The following PHF7 variants were observed in gnomAD, a reference collection of about 807,000 sequenced individuals.
The protein encoded by PHF7 is E3 ubiquitin-protein ligase PHF7.
In PHF7, 24 loss-of-function variants were observed where a neutral mutation model predicts 47.5. That is an observed-to-expected ratio of 0.51 (90% CI 0.37 to 0.71). The LOEUF is 0.71. PHF7 is among the 30% of genes least tolerant of loss of function. PHF7 has a pLI of 0.00. For missense variants in PHF7, 361 were observed against 456.8 expected (o/e 0.79, Z 1.91); for synonymous variants, 156 against 153.8 (o/e 1.01, Z -0.11).
At chr3:52,420,792 G>T in intron 6 of PHF7, 111 bp from the exon 7 acceptor site, 1 of 910,668 alleles carries the variant, frequency 1.1e-6, no homozygotes, top group South Asian at 1.6e-5. Flanking sequence ...TTCCCCATGT[G>T]TGGAGGTTCA....
At position 52,414,034 on chromosome 3, in the gene PHF7, C is replaced by T. The variant is rs200440194; in HGVS notation, c.80C>T (p.Pro27Leu). ...AKTRRVTQRK[P>L]SSGPVCWLCL... ...ACTAGGAGGGTAACCCAGAGGAAAC[C>T]GTCTTCAGGGCCTGGTAAGAAAGAC... The change falls in exon 3 of 11, where the codon CCG (proline) becomes CTG (leucine). Residue 27 changes from proline (P) to leucine (L), a missense_variant. Transcript: ENST00000327906. 1.4e-5 allele frequency: 23 copies of T among 1,611,322 alleles called. No individual in the cohort carries two copies. The highest frequency in any genetic ancestry group is 2.2e-5 in the East Asian group (1 of 44,864).
intron 4 of PHF7, among the ~76,000 whole-genome samples, chr3:52,419,196 G>T (rs1250012282): frequency 2.6e-5 from 4 of 152,156 alleles, no homozygotes; most frequent in Admixed American, 6.5e-5. Context: ...GTGAGAGGCA[G>T]CCTAGAGCAA....
intron 7 of PHF7, 45 bp from the exon 8 acceptor site, chr3:52,421,603 A>G: frequency 1.8e-6 from 2 of 1,106,218 alleles, no homozygotes; most frequent in Non-Finnish European, 1.4e-6. Flanking sequence ...GAAGGTAGTC[A>G]AAGGGTTTTT....
chr3:52,420,919 C>T lies in PHF7; in HGVS notation c.430C>T (p.His144Tyr). Residue 144 changes from histidine to tyrosine, a missense_variant, in exon 7 of 11, where the codon CAT becomes TAT. By Grantham distance (83) the His-to-Tyr change is moderately conservative (BLOSUM62 2). Coordinates refer to ENST00000327906, the MANE Select transcript of PHF7 (RefSeq NM_016483.7). ...FGEYKSFCDKHRPTQNIQHGH... is the reference protein window; with the variant it reads ...FGEYKSFCDKYRPTQNIQHGH... ...CTGCCACAGATCATTTTGTGACAAACATCGCCCAACACAGAACATCCAACA... is the reference window on the plus strand; with the variant it reads ...CTGCCACAGATCATTTTGTGACAAATATCGCCCAACACAGAACATCCAACA... 3 of 1,609,030 alleles carry T rather than the reference C, an allele frequency of 1.9e-6. No homozygotes were observed. The highest frequency in any genetic ancestry group is 2.5e-6 in the Non-Finnish European group (3 of 1,178,070).
chr3:52,421,462 G>T (rs1256602508), intron 7 of PHF7, among the ~76,000 whole-genome samples, 186 bp from the exon 8 acceptor site: 2 of 152,176 alleles, frequency 1.3e-5, no homozygotes, highest in Non-Finnish European at 1.5e-5. Context: ...GAATTCTCTT[G>T]AAAGTATTTT....
At position 52,412,878 on chromosome 3, in the gene PHF7, G is replaced by T; in HGVS notation, c.-2G>T. 2 of 1,606,748 alleles carry T rather than the reference G, an allele frequency of 1.2e-6. No homozygotes were observed. Among genetic ancestry groups the T allele is most frequent in the East Asian group, 2.2e-5 (1 of 44,742 alleles). Reference sequence around the variant, plus strand: ...CAAGAGAGGAGAGAGAGACAGCACCGAATGAAGACTGTAAAAGAAAAGAAG... The same window carrying T: ...CAAGAGAGGAGAGAGAGACAGCACCTAATGAAGACTGTAAAAGAAAAGAAG... On this transcript the variant is annotated 5_prime_UTR_variant, in exon 2 of 11. Transcript: ENST00000327906.
intron 9 of PHF7, 73 bp from the exon 10 acceptor site, chr3:52,422,687 C>T (rs1339073134): frequency 3.9e-6 from 6 of 1,539,444 alleles, no homozygotes; most frequent in Non-Finnish European, 4.5e-6. Flanking sequence ...AATGCCTGGC[C>T]CATAGCAAAC....
intron 1 of PHF7, among the ~76,000 whole-genome samples, chr3:52,412,315 A>G (rs947856888): frequency 6.6e-6 from 1 of 152,150 alleles, no homozygotes; most frequent in Non-Finnish European, 1.5e-5. Flanking sequence ...TCCTTTGCTT[A>G]GGAAAAAGCT....
chr3:52,422,272 G>T lies in PHF7; in HGVS notation c.731G>T (p.Arg244Leu), dbSNP rs868656396. The T allele has an allele frequency of 6.2e-7, 1 of 1,613,906 alleles. No homozygotes were observed. Among genetic ancestry groups the T allele is most frequent in the Non-Finnish European group, 8.5e-7 (1 of 1,179,908 alleles). ...EPGAFSDLYQ[R>L]YQHCDAPICL... ...GGGGCTTTCTCAGACTTATATCAGC[G>T]CTATCAGCACTGTGATGCCCCCATC... The change falls in exon 9 of 11, where the codon CGC becomes CTC. Residue 244 changes from arginine (R) to leucine (L), a missense_variant. Transcript: ENST00000327906.
chr3:52,414,679 G>A (rs1705566856), intron 4 of PHF7, 92 bp downstream of exon 4: 4 of 711,314 alleles, frequency 5.6e-6, no homozygotes, highest in African/African-American at 1.9e-5. Context: ...CCACAGCCTT[G>A]TTTTTTTATT....
At chr3:52,418,194 C>T (rs908455282) in intron 4 of PHF7, among the ~76,000 whole-genome samples, 5 of 152,080 alleles carry the variant, frequency 3.3e-5, no homozygotes, top group Non-Finnish European at 7.4e-5. Flanking sequence ...TATATCTGTG[C>T]TCATGAGAAA....
chr3:52,412,936 A>C lies in PHF7; in HGVS notation c.41+16A>C. The stretch of plus-strand genomic sequence containing the variant: ...AGAGATTGAGGTAGAAGTAGTTGAC[A>C]TAGGGAATTTGGGAGAAATTGTCCA... On this transcript the variant is annotated intron_variant, in intron 2 of 10. Coordinates refer to ENST00000327906, the MANE Select transcript of PHF7 (RefSeq NM_016483.7). 2 of 1,601,388 alleles carry C rather than the reference A, an allele frequency of 1.2e-6. No individual in the cohort carries two copies. Among genetic ancestry groups the C allele is most frequent in the Non-Finnish European group, 1.7e-6 (2 of 1,169,498 alleles).
At chr3:52,412,225 C>T (rs899445452) in intron 1 of PHF7, among the ~76,000 whole-genome samples, 1 of 151,898 alleles carries the variant, frequency 6.6e-6, no homozygotes, top group Non-Finnish European at 1.5e-5. Context: ...GTGATAGAGC[C>T]TAGGGGGTGT....
chr3:52,421,193 G>A, intron 7 of PHF7, 131 bp downstream of exon 7: 1 of 745,768 alleles, frequency 1.3e-6, no homozygotes, highest in East Asian at 2.7e-5. Context: ...TTGAGGGCTG[G>A]TTTCAGGCAG....
chr3:52,421,084 G>C, intron 7 of PHF7, 22 bp downstream of exon 7: 5 of 1,583,206 alleles, frequency 3.2e-6, no homozygotes, highest in Non-Finnish European at 4.3e-6. Context: ...TCCGCCCTGG[G>C]TCCCTTCCAC....
intron 3 of PHF7, among the ~76,000 whole-genome samples, 159 bp from the exon 4 acceptor site, chr3:52,414,337 A>G (rs538862468): frequency 6.6e-6 from 1 of 152,372 alleles, no homozygotes; most frequent in East Asian, 1.9e-4. Context: ...AGACTAATTG[A>G]TACCACATAA....
At position 52,414,541 on chromosome 3, in the gene PHF7, G is replaced by T; in HGVS notation, c.140G>T (p.Gly47Val). ...LREPGDPEKL[G>V]EFLQKDNISV... ...GAACCTGGGGATCCCGAAAAATTAGGGGAATTTCTTCAGAAAGACAATATC... is the reference window on the plus strand; with the variant it reads ...GAACCTGGGGATCCCGAAAAATTAGTGGAATTTCTTCAGAAAGACAATATC... Residue 47 changes from glycine to valine, a missense_variant, in exon 4 of 11, where the codon GGG becomes GTG. Gly to Val is a moderately radical substitution (Grantham distance 109, BLOSUM62 -3). Transcript: ENST00000327906. 1 of 1,613,018 alleles carries T rather than the reference G, an allele frequency of 6.2e-7. No homozygotes were observed. The highest frequency in any genetic ancestry group is 1.1e-5 in the South Asian group (1 of 90,948).
chr3:52,414,458 G>C, intron 3 of PHF7, 38 bp from the exon 4 acceptor site: 1 of 1,160,758 alleles, frequency 8.6e-7, no homozygotes, highest in Non-Finnish European at 1.3e-6. Context: ...ATTCTTAATG[G>C]TCAATTTGAG....
At chr3:52,413,886 A>T in intron 2 of PHF7, 110 bp from the exon 3 acceptor site, 1 of 732,100 alleles carries the variant, frequency 1.4e-6, no homozygotes, top group Non-Finnish European at 2.5e-6. Flanking sequence ...TAGGCTTTAG[A>T]TATGTTGGTC....
Sources: allele counts gnomAD v4.1 joint callset (sites outside exome capture counted in the v4.1 genomes callset), GRCh38; gene constraint gnomAD v4.1.1; transcripts MANE v1.5; gene names NCBI Gene and HGNC (gene_info 2026-07-23, HGNC 2026-07-21).